The following ZNF716 variants were observed in gnomAD, a reference collection of about 807,000 sequenced individuals.
ZNF716 encodes the protein zinc finger protein 716.
Under a neutral mutation model 13.4 loss-of-function variants are expected in ZNF716, and 9 were observed. That is an observed-to-expected ratio of 0.67 (90% CI 0.41 to 1.18). The LOEUF is 1.18. Among genes scored for constraint, ZNF716 ranks in the 50% most tolerant of loss-of-function variants. The pLI, the probability that ZNF716 is intolerant of heterozygous loss-of-function variation, is 0.01. For synonymous variants in ZNF716, 186 were observed against 195.2 expected (o/e 0.95, Z 0.39); for missense variants, 581 against 576.6 (o/e 1.01, Z -0.08).
Position 57,469,477 on chromosome 7 carries a change from T to C in ZNF716, c.1016T>C (p.Leu339Pro). 6.2e-7 allele frequency: 1 copy of C among 1,613,474 alleles called. No individual in the cohort carries two copies. The highest frequency in any genetic ancestry group is 1.7e-5 in the Admixed American group (1 of 59,866). ...CGKAFSLSST[L>P]KKHKIVHTGE... is the part of the protein sequence containing the mutation. Reference sequence around the variant, plus strand: ...AAAGCCTTTAGCTTATCCTCAACCCTTAAGAAACATAAGATAGTTCATACT... The same window carrying C: ...AAAGCCTTTAGCTTATCCTCAACCCCTAAGAAACATAAGATAGTTCATACT... The change falls in exon 4 of 4, where the codon CTT (leucine) becomes CCT (proline). Residue 339 changes from leucine (L) to proline (P), a missense_variant. Transcript: ENST00000420713.
At chr7:57,462,127 C>T (rs1554323194) in intron 1 of ZNF716, among the ~76,000 whole-genome samples, 1 of 150,894 alleles carries the variant, frequency 6.6e-6, no homozygotes, top group African/African-American at 2.4e-5. Flanking sequence ...CGCCACTGCA[C>T]TCCAGCCTGG....
In ZNF716 at chr7:57,468,725, T is replaced by A; in HGVS notation, c.264T>A (p.Val88=). ...KRNEMVAKHP[V]TCSHFTQDLQ... ...ACTTGTGATTTTTATGTCTTTCAGT[T>A]ACATGTTCTCATTTCACCCAAGACC... Residue 88 remains valine (V), a splice_region_variant and synonymous_variant, in exon 4 of 4, where the codon GTT becomes GTA. Transcript: ENST00000420713. 1.2e-6 allele frequency: 2 copies of A among 1,600,948 alleles called. No individual in the cohort carries two copies.
At position 57,450,288 on chromosome 7, in the gene ZNF716, T is replaced by G; in HGVS notation, c.-1T>G. 2 of 1,614,008 alleles carry G rather than the reference T, an allele frequency of 1.2e-6. No homozygotes were observed. The highest frequency in any genetic ancestry group is 1.7e-6 in the Non-Finnish European group (2 of 1,179,960). ...TGTGTCCTGCAAGTATTCGCAGATT[T>G]ATGGCTAAAAGACCGGGACCCCCTG... On this transcript the variant is annotated 5_prime_UTR_variant, in exon 1 of 4. Transcript: ENST00000420713.
In ZNF716 at chr7:57,469,698, T is replaced by C; in HGVS notation, c.1237T>C (p.Cys413Arg). The change falls in exon 4 of 4, where the codon TGT becomes CGT. Residue 413 changes from cysteine to arginine, a missense_variant. Transcript: ENST00000420713. ...AGAGAAACCCTACAAATGTGAAGAA[T>C]GTGGCAAAGCCTTTAACTGCTCCTC... is the stretch of plus-strand genomic sequence containing the variant. ...TGEKPYKCEECGKAFNCSSTL... is the reference protein window; with the variant it reads ...TGEKPYKCEERGKAFNCSSTL... The C allele has an allele frequency of 6.2e-7, 1 of 1,611,564 alleles. No individual in the cohort carries two copies. The highest frequency in any genetic ancestry group is 8.5e-7 in the Non-Finnish European group (1 of 1,178,086).
Position 57,469,307 on chromosome 7 carries a change from A to G in ZNF716, c.846A>G (p.Thr282=), listed in dbSNP as rs1789876256. ...GTGGCAAAGTCTTTAGCCGCTCAACACTTACTAACTACAAGAGAATTCATA... is the reference window on the plus strand; with the variant it reads ...GTGGCAAAGTCTTTAGCCGCTCAACGCTTACTAACTACAAGAGAATTCATA... ...EERGKVFSRS[T]LTNYKRIHTG... is the part of the protein sequence containing the mutation. Residue 282 remains threonine, a synonymous_variant, in exon 4 of 4, where the codon ACA becomes ACG. Coordinates refer to ENST00000420713, the MANE Select transcript of ZNF716 (RefSeq NM_001159279.1). 11 of 1,589,502 alleles carry G rather than the reference A, an allele frequency of 6.9e-6. No individual in the cohort carries two copies. The highest frequency in any genetic ancestry group is 9.4e-6 in the Non-Finnish European group (11 of 1,165,864).
chr7:57,464,958 A>G (rs1257545145), intron 3 of ZNF716, among the ~76,000 whole-genome samples: 1 of 152,196 alleles, frequency 6.6e-6, no homozygotes, highest in African/African-American at 2.4e-5. Flanking sequence ...TGAATACCAC[A>G]TAGTTATTGT....
At chr7:57,456,293 T>C (rs1216136839) in intron 1 of ZNF716, among the ~76,000 whole-genome samples, 3 of 152,192 alleles carry the variant, frequency 2.0e-5, no homozygotes, top group African/African-American at 4.8e-5. Context: ...TTAACGTAAG[T>C]ACAGGGTTTA....
At chr7:57,454,148 C>T (rs1554321908) in intron 1 of ZNF716, among the ~76,000 whole-genome samples, 1 of 152,068 alleles carries the variant, frequency 6.6e-6, no homozygotes, top group African/African-American at 2.4e-5. Flanking sequence ...ATCTTGATTT[C>T]TGAATTTTAT....
chr7:57,469,043 T>G lies in ZNF716; in HGVS notation c.582T>G (p.Phe194Leu). Residue 194 changes from phenylalanine (F) to leucine (L), a missense_variant, in exon 4 of 4, where the codon TTT (phenylalanine) becomes TTG (leucine). By Grantham distance (22) the Phe-to-Leu change is conservative (BLOSUM62 0). Coordinates refer to ENST00000420713, the MANE Select transcript of ZNF716 (RefSeq NM_001159279.1). ...HFKCKNDGKS[F>L]CMLSRLNQHQ... is the part of the protein sequence containing the mutation. ...AATGTAAAAACGATGGCAAATCATT[T>G]TGCATGCTTTCACGCCTAAATCAAC... 6.2e-7 allele frequency: 1 copy of G among 1,607,800 alleles called. No homozygotes were observed. Among genetic ancestry groups the G allele is most frequent in the Non-Finnish European group, 8.5e-7 (1 of 1,176,458 alleles).
Position 57,469,420 on chromosome 7 carries a change from G to T in ZNF716, c.959G>T (p.Gly320Val), listed in dbSNP as rs782074181. The T allele has an allele frequency of 6.2e-7, 1 of 1,613,882 alleles. No homozygotes were observed. The highest frequency in any genetic ancestry group is 1.1e-5 in the South Asian group (1 of 91,074). ...ACTAACCACAAGAGAATTCATACTG[G>T]AGAGAGACCCTACAAATGTGAAGAA... ...TLTNHKRIHT[G>V]ERPYKCEECG... The change falls in exon 4 of 4, where the codon GGA becomes GTA. Residue 320 changes from glycine (G) to valine (V), a missense_variant. Gly to Val is a moderately radical substitution (Grantham distance 109). Transcript: ENST00000420713.
intron 3 of ZNF716, among the ~76,000 whole-genome samples, chr7:57,464,747 A>T (rs561971718): frequency 2.0e-5 from 3 of 151,968 alleles, no homozygotes; most frequent in African/African-American, 4.8e-5. Flanking sequence ...TGTTGAAAAA[A>T]TTTTTTATAT....
chr7:57,451,441 ATTT>A (rs782311074), intron 1 of ZNF716, among the ~76,000 whole-genome samples: 2,734 of 88,892 alleles, frequency 0.031, 96 homozygotes, highest in East Asian at 0.23. Context: ...TTTCCCTTGG[ATTT>A]TTTTTTTTTT....
At chr7:57,456,354 T>A (rs1172025045) in intron 1 of ZNF716, among the ~76,000 whole-genome samples, 1 of 152,190 alleles carries the variant, frequency 6.6e-6, no homozygotes, top group African/African-American at 2.4e-5. Context: ...AGGGAGATTA[T>A]GGGAGTCTCC....
chr7:57,462,208 T>C (rs1291663258), intron 1 of ZNF716, among the ~76,000 whole-genome samples: 3 of 151,976 alleles, frequency 2.0e-5, no homozygotes, highest in African/African-American at 7.2e-5. Context: ...AATTTTATAA[T>C]TCATCACCCA....
chr7:57,461,505 A>T (rs1418413256), intron 1 of ZNF716, among the ~76,000 whole-genome samples: 1 of 152,204 alleles, frequency 6.6e-6, no homozygotes, highest in East Asian at 1.9e-4. Context: ...GAAGTACATA[A>T]ACCATCACAT....
At chr7:57,462,720 A>G in intron 2 of ZNF716, 134 bp downstream of exon 2, 2 of 1,081,474 alleles carry the variant, frequency 1.8e-6, no homozygotes, top group Non-Finnish European at 1.3e-6. Flanking sequence ...ATTCATTGGT[A>G]TATAGCAAAT....
At chr7:57,454,969 T>C (rs555118804) in intron 1 of ZNF716, among the ~76,000 whole-genome samples, 1 of 150,980 alleles carries the variant, frequency 6.6e-6, no homozygotes, top group Non-Finnish European at 1.5e-5. Context: ...GAGCTTGCAG[T>C]GAGCAGAGAT....
intron 3 of ZNF716, among the ~76,000 whole-genome samples, chr7:57,466,283 G>A (rs1554324110): frequency 1.3e-5 from 2 of 152,080 alleles, no homozygotes; most frequent in South Asian, 4.2e-4. Context: ...TATTGACTGG[G>A]GAGTTCTGCA....
At chr7:57,460,555 A>ATTT (rs1285557991) in intron 1 of ZNF716, among the ~76,000 whole-genome samples, 1 of 151,646 alleles carries the variant, frequency 6.6e-6, no homozygotes, top group Non-Finnish European at 1.5e-5. Context: ...TGAAAAAAAT[A>ATTT]TTTTTTTTCT....
Sources: gnomAD v4.1 joint callset for allele counts (sites outside exome capture counted in the v4.1 genomes callset) on GRCh38, gnomAD v4.1.1 for gene constraint, MANE v1.5 for transcripts, NCBI Gene and HGNC (gene_info 2026-07-23, HGNC 2026-07-21) for gene names.